OPCML: variants seen among roughly 807,000 people sequenced by gnomAD.
OPCML encodes opioid-binding protein/cell adhesion molecule.
OPCML carries 13 observed loss-of-function variants against 37.8 expected under a neutral mutation model. That is an observed-to-expected ratio of 0.34 (90% CI 0.22 to 0.55). OPCML has a LOEUF of 0.55. OPCML is among the 20% of genes least tolerant of loss of function. OPCML has a pLI of 0.91. For missense variants in OPCML, 341 were observed against 435.6 expected (o/e 0.78, Z 1.93); for synonymous variants, 176 against 168.8 (o/e 1.04, Z -0.33).
intron 2 of OPCML, among the ~76,000 whole-genome samples, chr11:132,899,989 C>T (rs2136494718): frequency 6.6e-6 from 1 of 152,158 alleles, no homozygotes; most frequent in Admixed American, 6.5e-5. Context: ...TTCCAGGGTC[C>T]CCCATATGTA....
intron 2 of OPCML, among the ~76,000 whole-genome samples, chr11:132,879,961 A>C (rs1943165613): frequency 6.6e-6 from 1 of 152,178 alleles, no homozygotes; most frequent in African/African-American, 2.4e-5. Flanking sequence ...ACACCTGCCA[A>C]GCACATTCTT....
chr11:132,983,821 A>G (rs930090411), intron 1 of OPCML, among the ~76,000 whole-genome samples: 10 of 152,250 alleles, frequency 6.6e-5, no homozygotes, highest in African/African-American at 1.2e-4. Flanking sequence ...GGCAAAGCCA[A>G]TTATGTTAAT....
intron 2 of OPCML, among the ~76,000 whole-genome samples, chr11:132,868,686 G>A (rs1942671569): frequency 6.6e-6 from 1 of 152,038 alleles, no homozygotes; most frequent in Non-Finnish European, 1.5e-5. Flanking sequence ...AGCACTGTGG[G>A]CTTAAAAACC....
At chr11:132,975,433 G>C (rs1946437091) in intron 1 of OPCML, among the ~76,000 whole-genome samples, 1 of 149,764 alleles carries the variant, frequency 6.7e-6, no homozygotes, top group African/African-American at 2.5e-5. Flanking sequence ...TATAATATGA[G>C]TATATGGGTG....
chr11:133,004,344 G>A (rs570936539), intron 1 of OPCML: 77 of 985,448 alleles, frequency 7.8e-5, no homozygotes, highest in Non-Finnish European at 8.8e-5. Flanking sequence ...TTGGATTCCT[G>A]TAGTGTTGAT....
At chr11:133,409,391 A>C (rs1226000227) in intron 1 of OPCML, among the ~76,000 whole-genome samples, 1 of 152,188 alleles carries the variant, frequency 6.6e-6, no homozygotes, top group East Asian at 1.9e-4. Context: ...AAAAAGCTTT[A>C]AGGTGAGGTG....
At chr11:133,396,862 C>G (rs1329192501) in intron 1 of OPCML, among the ~76,000 whole-genome samples, 1 of 152,144 alleles carries the variant, frequency 6.6e-6, no homozygotes, top group Non-Finnish European at 1.5e-5. Context: ...TGATCCCTTA[C>G]CCTTCTGGGC....
intron 1 of OPCML, among the ~76,000 whole-genome samples, chr11:133,483,889 AT>A (rs1391939020): frequency 2.0e-5 from 3 of 151,722 alleles, no homozygotes; most frequent in Admixed American, 6.6e-5. Flanking sequence ...AGATAGATGT[AT>A]TTATAGATGA....
intron 2 of OPCML, among the ~76,000 whole-genome samples, chr11:132,911,499 T>C (rs1944426388): frequency 6.6e-6 from 1 of 152,206 alleles, no homozygotes; most frequent in Non-Finnish European, 1.5e-5. Context: ...CCTGATTGTC[T>C]CGGGAACTCT....
chr11:132,586,078 G>A (rs2096471930), intron 3 of OPCML, among the ~76,000 whole-genome samples: 1 of 152,110 alleles, frequency 6.6e-6, no homozygotes, highest in Non-Finnish European at 1.5e-5. Flanking sequence ...GGGGCACTGA[G>A]TCCACAGACC....
At chr11:133,422,563 C>T (rs1254886499) in intron 1 of OPCML, 29 of 952,414 alleles carry the variant, frequency 3.0e-5, no homozygotes, top group South Asian at 1.5e-4. Flanking sequence ...TGCAGCGGTG[C>T]GAACATGCTC....
intron 1 of OPCML, among the ~76,000 whole-genome samples, chr11:133,529,198 C>T (rs1040667103): frequency 2.3e-4 from 35 of 152,212 alleles, no homozygotes; most frequent in Admixed American, 1.3e-4. Flanking sequence ...ATCAGAAGGA[C>T]CTGGGATGCT....
chr11:132,910,260 A>AG (rs77569862), intron 2 of OPCML, among the ~76,000 whole-genome samples: 14,226 of 145,830 alleles, frequency 0.098, 1,062 homozygotes, highest in East Asian at 0.34. Flanking sequence ...GGCTGGGGGT[A>AG]GGGGGCCTCA....
chr11:132,815,674 A>AC (rs1430391751), intron 2 of OPCML, among the ~76,000 whole-genome samples: 17 of 151,970 alleles, frequency 1.1e-4, no homozygotes, highest in East Asian at 5.8e-4. Context: ...GATTATTGTG[A>AC]CCCCCCATAG....
At chr11:132,697,267 C>T (rs993894664) in intron 2 of OPCML, among the ~76,000 whole-genome samples, 2 of 152,086 alleles carry the variant, frequency 1.3e-5, no homozygotes, top group Admixed American at 1.3e-4. Flanking sequence ...ACATAATTAC[C>T]TTCTTTTTTT....
intron 1 of OPCML, among the ~76,000 whole-genome samples, chr11:133,487,456 C>T (rs1178478722): frequency 6.6e-6 from 1 of 152,168 alleles, no homozygotes; most frequent in African/African-American, 2.4e-5. Context: ...ACATAACTGT[C>T]TCTGAGAAGA....
At chr11:132,682,478 C>A (rs1942991085) in intron 2 of OPCML, among the ~76,000 whole-genome samples, 1 of 152,090 alleles carries the variant, frequency 6.6e-6, no homozygotes, top group South Asian at 2.1e-4. Context: ...TCTTTCAAAC[C>A]CTTGCTAAAA....
chr11:133,370,484 G>GAA (rs202101542), intron 1 of OPCML, among the ~76,000 whole-genome samples: 956 of 86,050 alleles, frequency 0.011, 5 homozygotes, highest in African/African-American at 0.036. Context: ...AGCTCAAACA[G>GAA]AAAAAAAAAA....
intron 1 of OPCML, among the ~76,000 whole-genome samples, chr11:132,978,972 A>G (rs1430553362): frequency 6.6e-6 from 1 of 152,130 alleles, no homozygotes; most frequent in Non-Finnish European, 1.5e-5. Flanking sequence ...CCCAACTCAC[A>G]GCCCCCACAT....
Sources: gnomAD v4.1 joint callset for allele counts (sites outside exome capture counted in the v4.1 genomes callset) on GRCh38, gnomAD v4.1.1 for gene constraint, MANE v1.5 for transcripts, NCBI Gene and HGNC (gene_info 2026-07-23, HGNC 2026-07-21) for gene names.